COA1: variants seen among roughly 807,000 people sequenced by gnomAD.
COA1 encodes cytochrome c oxidase assembly factor 1, also known as cytochrome c oxidase assembly factor 1 homolog.
In COA1, 13 loss-of-function variants were observed where a neutral mutation model predicts 16.0. The ratio of observed to expected loss-of-function variants is 0.81; its 90% CI spans 0.53 to 1.29. The LOEUF (loss-of-function observed/expected upper bound fraction) is 1.29, where lower values mean the gene tolerates loss of function less well. Among genes scored for constraint, COA1 ranks in the 50% most tolerant of loss-of-function variants. The probability of loss-of-function intolerance (pLI) is 0.00; values close to 1 mark genes in which losing one functional copy is unlikely to be tolerated. For missense variants in COA1, 179 were observed against 177.0 expected, an observed-to-expected ratio of 1.01 and a Z score of -0.06; for synonymous variants, 65 against 65.7, an observed-to-expected ratio of 0.99 and a Z score of 0.05.
At chr7:43,669,639 T>C (rs952083723) in intron 1 of COA1, among the ~76,000 whole-genome samples, 1 of 152,190 alleles carries the variant, frequency 6.6e-6, no homozygotes, top group Non-Finnish European at 1.5e-5. Flanking sequence ...CAGCCACTTT[T>C]CTGACGCACA....
At chr7:43,690,789 C>T (rs1242909095) in intron 1 of COA1, among the ~76,000 whole-genome samples, 3 of 152,116 alleles carry the variant, frequency 2.0e-5, no homozygotes, top group African/African-American at 7.2e-5. Context: ...CTCATTGATA[C>T]ACTGCCTGTA....
chr7:43,690,548 T>C (rs1472857430), intron 1 of COA1, among the ~76,000 whole-genome samples: 1 of 152,066 alleles, frequency 6.6e-6, no homozygotes, highest in Admixed American at 6.6e-5. Flanking sequence ...CGCAGCAACC[T>C]GGATGGAACT....
chr7:43,624,613 A>G (rs199987361), intron 6 of COA1: 1 of 1,614,168 alleles, frequency 6.2e-7, no homozygotes, highest in East Asian at 2.2e-5. Flanking sequence ...GCACTAGAAG[A>G]AGCAAATGCC....
At chr7:43,637,582 T>C (rs1268057746), downstream of COA1, among the ~76,000 whole-genome samples, 1 of 152,132 alleles carries the variant, frequency 6.6e-6, no homozygotes, top group Non-Finnish European at 1.5e-5. Context: ...CAGGAAACAG[T>C]GGACTGCAAG....
chr7:43,706,237 ATAT>A (rs1322117653), intron 1 of COA1, among the ~76,000 whole-genome samples: 1 of 152,214 alleles, frequency 6.6e-6, no homozygotes, highest in African/African-American at 2.4e-5. Context: ...AAAAAAGTAT[ATAT>A]TAATATTAGA....
At chr7:43,613,885 CA>C (rs35978037) in intron 6 of COA1, among the ~76,000 whole-genome samples, 2 of 151,844 alleles carry the variant, frequency 1.3e-5, no homozygotes, top group Non-Finnish European at 2.9e-5. Context: ...AAATTAATTT[CA>C]AAAAAAGTAG....
At chr7:43,670,712 A>G (rs1347617132) in intron 1 of COA1, among the ~76,000 whole-genome samples, 1 of 152,204 alleles carries the variant, frequency 6.6e-6, no homozygotes, top group South Asian at 2.1e-4. Flanking sequence ...TAATGCCCAC[A>G]AACATATACT....
At chr7:43,655,946 C>T (rs1294441636) in intron 1 of COA1, 1 of 152,178 alleles carries the variant, frequency 6.6e-6, no homozygotes, top group Non-Finnish European at 1.5e-5. Context: ...CGTAAGAAGC[C>T]ACTTTGTGAG....
chr7:43,648,521 G>A (rs2090059200), intron 2 of COA1, 79 bp downstream of exon 2: 1 of 1,452,270 alleles, frequency 6.9e-7, no homozygotes, highest in Non-Finnish European at 9.7e-7. Context: ...TATTCAGGGA[G>A]TGACTTTCTT....
intron 1 of COA1, among the ~76,000 whole-genome samples, chr7:43,678,435 A>C (rs1472389496): frequency 6.6e-6 from 1 of 152,214 alleles, no homozygotes; most frequent in South Asian, 2.1e-4. Flanking sequence ...GATTACTTGG[A>C]TATGATATCA....
chr7:43,623,641 A>G, intron 6 of COA1: 2 of 1,607,924 alleles, frequency 1.2e-6, no homozygotes, highest in Non-Finnish European at 1.7e-6. Context: ...TTAATGAAAA[A>G]TTGATCAAAT....
intron 6 of COA1, chr7:43,633,474 C>T (rs2085370642): frequency 6.6e-6 from 1 of 152,220 alleles, no homozygotes; most frequent in Non-Finnish European, 1.5e-5. Context: ...ACACATTTAT[C>T]AATTAAGTTC....
At chr7:43,719,110 T>C (rs1448855528) in intron 1 of COA1, among the ~76,000 whole-genome samples, 1 of 152,030 alleles carries the variant, frequency 6.6e-6, no homozygotes, top group South Asian at 2.1e-4. Context: ...TAGCTGGGAT[T>C]ACATGCGCCA....
intron 1 of COA1, among the ~76,000 whole-genome samples, chr7:43,722,141 A>C (rs1429539561): frequency 6.8e-6 from 1 of 147,014 alleles, no homozygotes; most frequent in Non-Finnish European, 1.5e-5. Flanking sequence ...CTCAGGCTGG[A>C]GTGCAGTGGC....
intron 2 of COA1, 76 bp downstream of exon 2, chr7:43,648,524 A>C: frequency 1.4e-6 from 2 of 1,476,682 alleles, no homozygotes; most frequent in Non-Finnish European, 1.9e-6. Flanking sequence ...TCAGGGAGTG[A>C]CTTTCTTCTA....
At chr7:43,616,920 CTCAATTTCGTTTT>C (rs1258195751) in intron 6 of COA1, among the ~76,000 whole-genome samples, 1 of 152,136 alleles carries the variant, frequency 6.6e-6, no homozygotes, top group Non-Finnish European at 1.5e-5. Context: ...CCATCTATGC[CTCAATTTCGTTTT>C]TCATATTGTA....
chr7:43,685,561 C>A (rs764056590), intron 1 of COA1, among the ~76,000 whole-genome samples: 2 of 152,082 alleles, frequency 1.3e-5, no homozygotes, highest in African/African-American at 2.4e-5. Context: ...GATTATATCA[C>A]AAGTACTTAA....
chr7:43,703,822 C>A (rs2094858230), intron 1 of COA1, among the ~76,000 whole-genome samples: 1 of 152,112 alleles, frequency 6.6e-6, no homozygotes, highest in Admixed American at 6.5e-5. Flanking sequence ...TTAAGTAGGT[C>A]ATTTACATTC....
rs11552602 is a variant in COA1, at chr7:43,645,301, A to G, written c.214T>C (p.Tyr72His). 2 of 1,613,950 alleles carry G rather than the reference A, an allele frequency of 1.2e-6. No homozygotes were observed. Among genetic ancestry groups the G allele is most frequent in the South Asian group, 2.2e-5 (2 of 91,086 alleles). The change falls in exon 4 of 6, where the codon TAT becomes CAT. Residue 72 changes from tyrosine to histidine, a missense_variant. By Grantham distance (83) the Tyr-to-His change is moderately conservative. Transcript: ENST00000223336. ...EALGPPLNIH[Y>H]LKLIDRENFV... ...TTTTCCCTGTCGATGAGCTTGAGAT[A>G]ATGGATGTTGAGAGGAGGGCCCAGA...
Sources: allele counts gnomAD v4.1 joint callset (sites outside exome capture counted in the v4.1 genomes callset), GRCh38; gene constraint gnomAD v4.1.1; transcripts MANE v1.5; gene names NCBI Gene and HGNC (gene_info 2026-07-23, HGNC 2026-07-21).